The following GON4L variants were observed in gnomAD, a reference collection of about 807,000 sequenced individuals.
The protein encoded by GON4L is gon-4 like.
In GON4L, 87 loss-of-function variants were observed where a neutral mutation model predicts 211.8. The ratio of observed to expected loss-of-function variants is 0.41; its 90% CI spans 0.35 to 0.49. The LOEUF (loss-of-function observed/expected upper bound fraction) is 0.49, where lower values mean the gene tolerates loss of function less well. Ranked by LOEUF, GON4L falls within the 20% of genes least tolerant of loss-of-function variation. The pLI, the probability that GON4L is intolerant of heterozygous loss-of-function variation, is 0.15. For missense variants in GON4L, 2,155 were observed against 2,659.5 expected (o/e 0.81, Z 4.17); for synonymous variants, 875 against 962.6 (o/e 0.91, Z 1.68).
rs1672011513 is a variant in GON4L, at chr1:155,853,615, C to T, written c.166G>A (p.Val56Ile). 1.2e-6 allele frequency: 2 copies of T among 1,614,040 alleles called. No individual in the cohort carries two copies. Among genetic ancestry groups the T allele is most frequent in the Admixed American group, 3.3e-5 (2 of 60,002 alleles). The change falls in exon 2 of 32, where the codon GTA becomes ATA. Residue 56 changes from valine to isoleucine, a missense_variant. Coordinates refer to ENST00000368331, the MANE Select transcript of GON4L (RefSeq NM_001282860.2). ...SLSWDPSHGRVAGFEVQSLQD... is the reference protein window; with the variant it reads ...SLSWDPSHGRIAGFEVQSLQD... Reference sequence around the variant, plus strand: ...AAAGACTGTACTTCGAAGCCAGCTACTCTGCCATGACTTGGATCCCAGGAT... The same window carrying T: ...AAAGACTGTACTTCGAAGCCAGCTATTCTGCCATGACTTGGATCCCAGGAT...
intron 12 of GON4L, among the ~76,000 whole-genome samples, chr1:155,792,182 A>C (rs1221019170): frequency 1.3e-5 from 2 of 152,186 alleles, no homozygotes; most frequent in Non-Finnish European, 2.9e-5. Context: ...CAAATTCTCA[A>C]GCGGGCAAAA....
intron 3 of GON4L, among the ~76,000 whole-genome samples, chr1:155,824,356 C>T (rs746454180): frequency 1.5e-4 from 22 of 149,168 alleles, no homozygotes; most frequent in Non-Finnish European, 3.0e-4. Flanking sequence ...ATTGCTTGAA[C>T]CCAGGAGGAA....
chr1:155,787,857 T>A (rs1385006787), intron 12 of GON4L, among the ~76,000 whole-genome samples: 1 of 151,880 alleles, frequency 6.6e-6, no homozygotes, highest in Non-Finnish European at 1.5e-5. Flanking sequence ...GGCACAAGAA[T>A]CTCTTAAACC....
At position 155,754,408 on chromosome 1, in the gene GON4L, G is replaced by A. The variant is rs768060883; in HGVS notation, c.5598C>T (p.Ser1866=). Residue 1866 remains serine (S), a synonymous_variant, in exon 28 of 32, where the codon AGC becomes AGT. Coordinates refer to ENST00000368331, the MANE Select transcript of GON4L (RefSeq NM_001282860.2). ...EGGPDSKLKK[S]KRRSCSHCSS... ...TACAGTGGCTACAGCTCCGCCTTTT[G>A]CTCTTCTTCAGCTTGGAATCTGGAC... is the stretch of plus-strand genomic sequence containing the variant. The A allele has an allele frequency of 1.2e-6, 2 of 1,612,146 alleles. No homozygotes were observed. The highest frequency in any genetic ancestry group is 1.7e-6 in the Non-Finnish European group (2 of 1,178,672).
chr1:155,747,743 G>A (rs779380755), downstream of GON4L: 25 of 1,613,828 alleles, frequency 1.5e-5, no homozygotes, highest in Admixed American at 3.3e-5. Context: ...ACTATCTTTC[G>A]TCACTCACCC....
At chr1:155,779,382 T>C (rs959966967) in intron 14 of GON4L, among the ~76,000 whole-genome samples, 1 of 151,444 alleles carries the variant, frequency 6.6e-6, no homozygotes, top group Non-Finnish European at 1.5e-5. Flanking sequence ...AGTGGCATGA[T>C]CTCGGCTCAC....
chr1:155,791,419 C>G (rs1232856446), intron 12 of GON4L, among the ~76,000 whole-genome samples: 2 of 150,372 alleles, frequency 1.3e-5, no homozygotes, highest in Non-Finnish European at 2.9e-5. Flanking sequence ...GGTGAGAGGT[C>G]TGGACACCAA....
downstream of GON4L, among the ~76,000 whole-genome samples, chr1:155,745,669 G>A (rs1354372565): frequency 2.6e-5 from 4 of 152,346 alleles, no homozygotes; most frequent in East Asian, 1.9e-4. Context: ...TCTAGGAAGA[G>A]GTAGGAAAGG....
At chr1:155,807,988 G>A (rs1667319753) in intron 10 of GON4L, among the ~76,000 whole-genome samples, 2 of 151,632 alleles carry the variant, frequency 1.3e-5, no homozygotes, top group South Asian at 4.2e-4. Context: ...TTAACCAAAA[G>A]GAATTTTTAA....
intron 10 of GON4L, among the ~76,000 whole-genome samples, chr1:155,806,542 C>T (rs1667145939): frequency 6.6e-6 from 1 of 152,088 alleles, no homozygotes; most frequent in Non-Finnish European, 1.5e-5. Context: ...AGTAATCCTC[C>T]TGCCTTGGCC....
rs869034483 is a variant in GON4L at position 155,784,358 on chromosome 1, C to CTTTTTTTTTTTTTTTTTTTTTTTTTT, written c.1789-295_1789-270dup. 3 of 96,202 alleles carry CTTTTTTTTTTTTTTTTTTTTTTTTTT rather than the reference C, an allele frequency of 3.1e-5. 1 individual carries two copies. Among genetic ancestry groups the CTTTTTTTTTTTTTTTTTTTTTTTTTT allele is most frequent in the Admixed American group, 2.1e-4 (1 of 4,686 alleles). The allele number at this position is 96,202 out of a possible 1,614,324, so 6.0% of individuals were successfully genotyped here. A position where few individuals can be genotyped will look rare whatever the true frequency, so the allele number is the denominator to read the frequency against. On this transcript the variant is annotated intron_variant, in intron 13 of 31. Transcript: ENST00000368331. ...ACTCAAAATTATCAATCTCTCTCTC[C>CTTTTTTTTTTTTTTTTTTTTTTTTTT]TTTTTTTTTTTTTTTTTTTTTTTTT...
At chr1:155,784,221 CAG>C (rs1664703489) in intron 13 of GON4L, 132 bp from the exon 14 acceptor site, 2 of 1,268,480 alleles carry the variant, frequency 1.6e-6, no homozygotes, top group Non-Finnish European at 2.2e-6. Context: ...GAGCCAATGT[CAG>C]AACTTTCTCA....
chr1:155,745,219 C>T (rs865886873), downstream of GON4L, among the ~76,000 whole-genome samples: 22 of 152,184 alleles, frequency 1.4e-4, no homozygotes, highest in Middle Eastern at 3.4e-3. Flanking sequence ...ACATAAATTG[C>T]ATAAACCATA....
intron 17 of GON4L, chr1:155,773,537 C>T (rs925985536): frequency 7.1e-6 from 2 of 283,212 alleles, no homozygotes; most frequent in African/African-American, 2.2e-5. Flanking sequence ...ACCTCCTTCC[C>T]CCCTTAAATA....
chr1:155,759,965 T>TTATATATTA (rs1661605626), intron 24 of GON4L, among the ~76,000 whole-genome samples: 2 of 144,282 alleles, frequency 1.4e-5, no homozygotes, highest in Non-Finnish European at 3.0e-5. Context: ...ATTTTATATA[T>TTATATATTA]TATATATATA....
At chr1:155,841,230 T>C (rs1442828303) in intron 2 of GON4L, among the ~76,000 whole-genome samples, 3 of 152,222 alleles carry the variant, frequency 2.0e-5, no homozygotes, top group Non-Finnish European at 4.4e-5. Context: ...GTTTGAAACA[T>C]TGCTAATTCT....
chr1:155,768,324 A>AAG, intron 19 of GON4L, among the ~76,000 whole-genome samples: 1 of 149,704 alleles, frequency 6.7e-6, no homozygotes, highest in African/African-American at 2.5e-5. Flanking sequence ...AAAAAAAAAA[A>AAG]GAATAGGCCA....
chr1:155,809,565 TTA>T (rs1395442543), intron 10 of GON4L, among the ~76,000 whole-genome samples: 2 of 135,844 alleles, frequency 1.5e-5, no homozygotes, highest in Non-Finnish European at 3.2e-5. Context: ...AATTATATAC[TTA>T]TATATACTTA....
At chr1:155,838,944 T>C (rs1159552474) in intron 2 of GON4L, among the ~76,000 whole-genome samples, 1 of 151,882 alleles carries the variant, frequency 6.6e-6, no homozygotes, top group Non-Finnish European at 1.5e-5. Flanking sequence ...TAGGGAAACA[T>C]TTTACAATAA....
Sources: gnomAD v4.1 joint callset for allele counts (sites outside exome capture counted in the v4.1 genomes callset) on GRCh38, gnomAD v4.1.1 for gene constraint, MANE v1.5 for transcripts, NCBI Gene and HGNC (gene_info 2026-07-23, HGNC 2026-07-21) for gene names.